SETBP1: variants seen among roughly 807,000 people sequenced by gnomAD.
SETBP1 encodes the protein SET-binding protein.
Under a neutral mutation model 101.0 loss-of-function variants are expected in SETBP1, and 9 were observed. The ratio of observed to expected loss-of-function variants is 0.09; its 90% CI spans 0.05 to 0.16. The LOEUF (loss-of-function observed/expected upper bound fraction) is 0.16. Among genes scored for constraint, SETBP1 ranks in the 10% least tolerant of loss-of-function variants. The pLI is 1.00. For missense variants in SETBP1, 1,858 were observed against 2,033.8 expected, an observed-to-expected ratio of 0.91 and a Z score of 1.66; for synonymous variants, 818 against 788.5, an observed-to-expected ratio of 1.04 and a Z score of -0.63.
At chr18:44,791,542 T>C (rs918769954) in intron 2 of SETBP1, among the ~76,000 whole-genome samples, 4 of 152,048 alleles carry the variant, frequency 2.6e-5, no homozygotes, top group African/African-American at 9.7e-5. Flanking sequence ...ACATTCAGGG[T>C]TTCTAGACGT....
At chr18:44,709,526 C>A (rs181970614) in intron 2 of SETBP1, among the ~76,000 whole-genome samples, 47 of 152,294 alleles carry the variant, frequency 3.1e-4, no homozygotes, top group South Asian at 6.2e-4. Context: ...TAACAGCAGC[C>A]CCTCCTTGTT....
chr18:44,926,542 T>A (rs2144962789), intron 3 of SETBP1, among the ~76,000 whole-genome samples: 1 of 152,250 alleles, frequency 6.6e-6, no homozygotes, highest in South Asian at 2.1e-4. Context: ...CTTCTTGGAT[T>A]CAGGGAATTT....
rs1463926194 is a variant in SETBP1 at position 45,067,420 on chromosome 18, CA to C, written c.*3723del. On this transcript the variant is annotated 3_prime_UTR_variant, in exon 6 of 6. Transcript: ENST00000649279. ...CTGGGAACTGTCTAAAGTCTACACACATATTTCCAAAGCCTTTAAATACCAA... is the reference window on the plus strand; with the variant it reads ...CTGGGAACTGTCTAAAGTCTACACACTATTTCCAAAGCCTTTAAATACCAA... The C allele has an allele frequency of 6.6e-6, 1 of 152,178 alleles. No homozygotes were observed. The highest frequency in any genetic ancestry group is 1.5e-5 in the Non-Finnish European group (1 of 68,024). 9.4% of individuals were successfully genotyped at this position (152,178 alleles called of 1,614,324 possible).
chr18:44,784,647 A>G (rs2071200044), intron 2 of SETBP1, among the ~76,000 whole-genome samples: 1 of 152,234 alleles, frequency 6.6e-6, no homozygotes, highest in South Asian at 2.1e-4. Context: ...CTGGAAGTTA[A>G]GCTCCAATAG....
chr18:44,716,908 A>G (rs924148274), intron 2 of SETBP1, among the ~76,000 whole-genome samples: 2 of 152,180 alleles, frequency 1.3e-5, no homozygotes, highest in Non-Finnish European at 2.9e-5. Flanking sequence ...GAGAAAGCCA[A>G]TTGGCTGTGC....
chr18:44,978,107 G>C (rs1447800611), intron 4 of SETBP1, among the ~76,000 whole-genome samples: 3 of 152,096 alleles, frequency 2.0e-5, no homozygotes, highest in Non-Finnish European at 4.4e-5. Flanking sequence ...GCCAACATTA[G>C]GTTGGGAAGA....
chr18:44,884,807 T>C (rs2144752762), intron 3 of SETBP1, among the ~76,000 whole-genome samples: 1 of 152,268 alleles, frequency 6.6e-6, no homozygotes, highest in South Asian at 2.1e-4. Flanking sequence ...TCTCCAAAAA[T>C]AAATGGCATG....
At chr18:44,694,898 G>T (rs1265425211) in intron 1 of SETBP1, among the ~76,000 whole-genome samples, 1 of 152,194 alleles carries the variant, frequency 6.6e-6, no homozygotes, top group Non-Finnish European at 1.5e-5. Flanking sequence ...TTGACAAGAA[G>T]TATGACCCAT....
intron 2 of SETBP1, among the ~76,000 whole-genome samples, chr18:44,710,034 G>A (rs891270689): frequency 1.4e-4 from 21 of 151,794 alleles, no homozygotes; most frequent in African/African-American, 4.6e-4. Context: ...TTGCAAAGTC[G>A]GCCCCTCTTC....
chr18:44,794,304 T>G (rs559483568), intron 2 of SETBP1, among the ~76,000 whole-genome samples: 15 of 152,334 alleles, frequency 9.8e-5, no homozygotes, highest in Non-Finnish European at 2.1e-4. Flanking sequence ...ACTGAATTTT[T>G]GATGCACTAA....
chr18:44,706,139 C>T (rs2069211691), intron 2 of SETBP1, among the ~76,000 whole-genome samples: 1 of 151,990 alleles, frequency 6.6e-6, no homozygotes, highest in Non-Finnish European at 1.5e-5. Context: ...GCAGATGGAC[C>T]CCACACATGT....
intron 3 of SETBP1, among the ~76,000 whole-genome samples, chr18:44,882,599 C>T (rs2069555569): frequency 6.6e-6 from 1 of 152,064 alleles, no homozygotes; most frequent in African/African-American, 2.4e-5. Context: ...AAAGCAGCTT[C>T]CATTGCCTCC....
intron 2 of SETBP1, among the ~76,000 whole-genome samples, chr18:44,717,509 C>T (rs185623476): frequency 6.6e-6 from 1 of 152,222 alleles, no homozygotes. Flanking sequence ...CTCTGCTGGC[C>T]TCTGGCTCTG....
At chr18:44,745,913 T>C (rs900652509) in intron 2 of SETBP1, among the ~76,000 whole-genome samples, 3 of 152,082 alleles carry the variant, frequency 2.0e-5, no homozygotes, top group African/African-American at 7.2e-5. Context: ...AGAACTTGAG[T>C]GTCCAGTGTA....
intron 2 of SETBP1, among the ~76,000 whole-genome samples, chr18:44,772,391 A>G (rs7235139): frequency 0.83 from 126,045 of 152,174 alleles, 52,280 homozygotes; most frequent in Admixed American, 0.87. Context: ...GCACAGGGCT[A>G]GGCCTCCTGC....
intron 2 of SETBP1, among the ~76,000 whole-genome samples, chr18:44,803,391 A>G (rs529155557): frequency 2.0e-5 from 3 of 152,252 alleles, no homozygotes; most frequent in Non-Finnish European, 2.9e-5. Flanking sequence ...CTTGAGTTAC[A>G]TCGGAGCTAA....
intron 3 of SETBP1, among the ~76,000 whole-genome samples, chr18:44,945,640 C>T (rs2071189513): frequency 6.6e-6 from 1 of 152,124 alleles, no homozygotes; most frequent in Admixed American, 6.5e-5. Flanking sequence ...AAGTTTTCCA[C>T]CAGAACTGTG....
chr18:45,048,927 G>T (rs1322718798), intron 5 of SETBP1, among the ~76,000 whole-genome samples: 2 of 129,292 alleles, frequency 1.5e-5, no homozygotes, highest in Non-Finnish European at 1.6e-5. Context: ...AGCCGAGATT[G>T]CGCCACTGCA....
At chr18:44,703,238 G>T (rs2069148507) in intron 2 of SETBP1, among the ~76,000 whole-genome samples, 1 of 150,970 alleles carries the variant, frequency 6.6e-6, no homozygotes, top group East Asian at 2.0e-4. Flanking sequence ...CCTGACATTT[G>T]ATCAATTATT....
Sources: allele counts gnomAD v4.1 joint callset (sites outside exome capture counted in the v4.1 genomes callset), GRCh38; gene constraint gnomAD v4.1.1; transcripts MANE v1.5; gene names NCBI Gene and HGNC (gene_info 2026-07-23, HGNC 2026-07-21).